The following PSMB2 variants were observed in gnomAD, a reference collection of about 807,000 sequenced individuals.
PSMB2 encodes the protein proteasome subunit beta type-2.
Under a neutral mutation model 25.7 loss-of-function variants are expected in PSMB2, and 13 were observed. The observed-to-expected ratio is 0.51, with a 90% CI of 0.33 to 0.80. PSMB2 has a LOEUF of 0.80. PSMB2 is among the 30% of genes least tolerant of loss of function. PSMB2 has a pLI of 0.02. For missense variants in PSMB2, 202 were observed against 259.0 expected, an observed-to-expected ratio of 0.78 and a Z score of 1.51; for synonymous variants, 87 against 96.2, an observed-to-expected ratio of 0.90 and a Z score of 0.56.
intron 1 of PSMB2, among the ~76,000 whole-genome samples, chr1:35,640,063 T>TACTAA (rs1557461591): frequency 6.8e-6 from 1 of 147,652 alleles, no homozygotes; most frequent in East Asian, 1.9e-4. Context: ...TACTATAATA[T>TACTAA]ACTATACTAT....
At chr1:35,631,154 A>C (rs774720245) in intron 3 of PSMB2, 120 bp downstream of exon 3, 1 of 857,594 alleles carries the variant, frequency 1.2e-6, no homozygotes, top group Non-Finnish European at 1.9e-6. Flanking sequence ...AACAAGTAGC[A>C]ACAGGAGGGG....
In PSMB2 at chr1:35,600,780, G is replaced by A. The variant is rs1479931318; in HGVS notation, c.*2487C>T. On this transcript the variant is annotated 3_prime_UTR_variant, in exon 6 of 6. Transcript: ENST00000373237. ...CAGGCTTGCCTGAGATTGCCCTGGG[G>A]ACACTTACATTCAAAGGCAGAGAAC... 1 of 985,274 alleles carries A rather than the reference G, an allele frequency of 1.0e-6. No individual in the cohort carries two copies. The highest frequency in any genetic ancestry group is 1.2e-6 in the Non-Finnish European group (1 of 829,932). 61.0% of individuals were successfully genotyped at this position (985,274 alleles called of 1,614,324 possible). A position where few individuals can be genotyped will look rare whatever the true frequency, so the allele number is the denominator to read the frequency against.
Position 35,601,513 on chromosome 1 carries a change from G to A in PSMB2, c.*1754C>T. ...ATCTCTTTTCTCCCATTTACTCAATGATTAGCTTTCTTCTTATGGTGTAAG... is the reference window on the plus strand; with the variant it reads ...ATCTCTTTTCTCCCATTTACTCAATAATTAGCTTTCTTCTTATGGTGTAAG... On this transcript the variant is annotated 3_prime_UTR_variant, in exon 6 of 6. Coordinates refer to ENST00000373237, the MANE Select transcript of PSMB2 (RefSeq NM_002794.5). The A allele has an allele frequency of 1.0e-6, 1 of 985,320 alleles. No individual in the cohort carries two copies. 61.0% of individuals were successfully genotyped at this position (985,320 alleles called of 1,614,324 possible).
intron 3 of PSMB2, among the ~76,000 whole-genome samples, chr1:35,611,778 A>C (rs144385685): frequency 0.018 from 2,770 of 152,028 alleles, 97 homozygotes; most frequent in African/African-American, 0.063. Flanking sequence ...GAGCCGAGAT[A>C]GTGCTACTGC....
intron 1 of PSMB2, 132 bp downstream of exon 1, chr1:35,641,210 A>T: frequency 8.6e-7 from 1 of 1,159,718 alleles, no homozygotes. Context: ...ATAAATAAAT[A>T]AAATAAGTAC....
intron 2 of PSMB2, among the ~76,000 whole-genome samples, chr1:35,632,806 A>T (rs926780289): frequency 6.6e-6 from 1 of 152,080 alleles, no homozygotes; most frequent in Non-Finnish European, 1.5e-5. Context: ...AGGTGGAAGG[A>T]TCACCTGAGC....
intron 1 of PSMB2, 29 bp downstream of exon 1, chr1:35,641,313 C>T (rs1327390092): frequency 4.3e-6 from 7 of 1,613,752 alleles, no homozygotes; most frequent in East Asian, 2.2e-5. Context: ...CACCCCAGGC[C>T]TGGCCGGGCC....
chr1:35,628,599 A>ATC (rs1650970756), intron 3 of PSMB2, among the ~76,000 whole-genome samples: 1 of 23,606 alleles, frequency 4.2e-5, no homozygotes, highest in African/African-American at 1.3e-4. Context: ...AAAAAAAAAT[A>ATC]TATATATATA....
chr1:35,621,383 C>T (rs1650677433), intron 3 of PSMB2, among the ~76,000 whole-genome samples: 1 of 152,170 alleles, frequency 6.6e-6, no homozygotes, highest in African/African-American at 2.4e-5. Flanking sequence ...TCCTCAGCCC[C>T]AAGGACAATG....
At chr1:35,638,650 AAGAG>A (rs771297418) in intron 1 of PSMB2, among the ~76,000 whole-genome samples, 1 of 152,242 alleles carries the variant, frequency 6.6e-6, no homozygotes, top group Non-Finnish European at 1.5e-5. Flanking sequence ...GAATTCAGAA[AAGAG>A]AGAATTCTGT....
At chr1:35,604,828 A>T (rs116749855) in intron 5 of PSMB2, among the ~76,000 whole-genome samples, 193 of 152,336 alleles carry the variant, frequency 1.3e-3, no homozygotes, top group African/African-American at 4.0e-3. Context: ...GTACAGCCTC[A>T]GTTACCACCT....
At chr1:35,613,620 C>T (rs926461537) in intron 3 of PSMB2, among the ~76,000 whole-genome samples, 1 of 152,206 alleles carries the variant, frequency 6.6e-6, no homozygotes, top group Non-Finnish European at 1.5e-5. Context: ...CATGAATGTA[C>T]ATCTATTGTT....
At chr1:35,623,939 T>C (rs565927618) in intron 3 of PSMB2, among the ~76,000 whole-genome samples, 1 of 152,216 alleles carries the variant, frequency 6.6e-6, no homozygotes, top group African/African-American at 2.4e-5. Context: ...AATAAACAGA[T>C]GATGCCTTTG....
intron 3 of PSMB2, among the ~76,000 whole-genome samples, chr1:35,620,768 G>A (rs906506575): frequency 6.6e-6 from 1 of 151,316 alleles, no homozygotes; most frequent in Admixed American, 6.6e-5. Context: ...GGGTTCAAGC[G>A]ATTCTCCTGC....
At chr1:35,635,217 C>T (rs1425227936) in intron 2 of PSMB2, among the ~76,000 whole-genome samples, 2 of 151,578 alleles carry the variant, frequency 1.3e-5, no homozygotes, top group African/African-American at 4.9e-5. Flanking sequence ...CGAGATTGTG[C>T]CACTGCACTC....
rs990604942 is a variant in PSMB2 at position 35,641,473 on chromosome 1, A to G, written c.-41T>C. On this transcript the variant is annotated 5_prime_UTR_variant, in exon 1 of 6. Coordinates refer to ENST00000373237, the MANE Select transcript of PSMB2 (RefSeq NM_002794.5). ...GGGGCTGCAGGTCCGACACAGCACG[A>G]GACTCGCCCGCTTCCAGGTCTCACC... 3.1e-6 allele frequency: 5 copies of G among 1,613,116 alleles called. No individual in the cohort carries two copies. The Admixed American group carries it at 8.3e-5, about 27-fold the overall frequency.
chr1:35,604,914 G>A (rs145971507), intron 5 of PSMB2, among the ~76,000 whole-genome samples: 1 of 152,344 alleles, frequency 6.6e-6, no homozygotes, highest in Admixed American at 6.5e-5. Flanking sequence ...ACTCAGAATT[G>A]AGGGTTGGGG....
intron 2 of PSMB2, among the ~76,000 whole-genome samples, chr1:35,632,654 G>A (rs575371976): frequency 5.3e-5 from 8 of 152,264 alleles, no homozygotes; most frequent in African/African-American, 1.7e-4. Flanking sequence ...AGCACTTTGG[G>A]AAGCGGAGGC....
rs1553126271 is a variant in PSMB2 at position 35,640,087 on chromosome 1, A to ATACTATACTATACTGTACTG, written c.91+1254_91+1255insCAGTACAGTATAGTATAGTA. On this transcript the variant is annotated intron_variant, in intron 1 of 5. Coordinates refer to ENST00000373237, the MANE Select transcript of PSMB2 (RefSeq NM_002794.5). Reference sequence around the variant, plus strand: ...ATACTATACTATACTATACTATACTATACTATACTATACTATCTATACTAA... The same window carrying ATACTATACTATACTGTACTG: ...ATACTATACTATACTATACTATACTATACTATACTATACTGTACTGTACTATACTATACTATCTATACTAA... 4.6e-3 allele frequency among the ~76,000 whole-genome samples: 691 copies of ATACTATACTATACTGTACTG among 151,772 alleles called. 11 individuals are homozygous for ATACTATACTATACTGTACTG. The highest frequency in any genetic ancestry group is 0.029 in the South Asian group (141 of 4,802).
Sources: gnomAD v4.1 joint callset for allele counts (sites outside exome capture counted in the v4.1 genomes callset) on GRCh38, gnomAD v4.1.1 for gene constraint, MANE v1.5 for transcripts, NCBI Gene and HGNC (gene_info 2026-07-23, HGNC 2026-07-21) for gene names.